The following MKKS variants were observed in gnomAD, a reference collection of about 807,000 sequenced individuals.
The protein encoded by MKKS is molecular chaperone MKKS.
In MKKS, 29 loss-of-function variants were observed where a neutral mutation model predicts 33.2. That is an observed-to-expected ratio of 0.87 (90% CI 0.65 to 1.19). The LOEUF (loss-of-function observed/expected upper bound fraction) is 1.19, where lower values mean the gene tolerates loss of function less well. MKKS is among the 50% of genes most tolerant of loss of function. MKKS has a pLI of 0.00. For missense variants in MKKS, 661 were observed against 662.3 expected (o/e 1.00, Z 0.02); for synonymous variants, 260 against 244.0 (o/e 1.07, Z -0.61).
intron 3 of MKKS, 108 bp downstream of exon 3, chr20:10,412,422 C>T (rs2064895714): frequency 2.8e-6 from 3 of 1,085,484 alleles, no homozygotes; most frequent in Non-Finnish European, 4.2e-6. Context: ...CTGACACATG[C>T]TGGGTCAATT....
chr20:10,409,280 C>T (rs189190449), intron 3 of MKKS, among the ~76,000 whole-genome samples: 43 of 152,172 alleles, frequency 2.8e-4, no homozygotes, highest in East Asian at 9.7e-4. Context: ...TCCTTCGGGA[C>T]GCTACATAGT....
intron 1 of MKKS, among the ~76,000 whole-genome samples, chr20:10,423,527 A>C (rs532646731): frequency 3.9e-5 from 6 of 152,332 alleles, no homozygotes; most frequent in African/African-American, 1.4e-4. Flanking sequence ...ATTAAATGAC[A>C]ATCTGTAACA....
At chr20:10,431,302 A>G (rs1223833592) in intron 1 of MKKS, among the ~76,000 whole-genome samples, 1 of 152,166 alleles carries the variant, frequency 6.6e-6, no homozygotes, top group Non-Finnish European at 1.5e-5. Flanking sequence ...CATGTATCCC[A>G]CATTCACAAT....
chr20:10,410,482 C>T (rs569891940), intron 3 of MKKS, among the ~76,000 whole-genome samples: 1 of 152,162 alleles, frequency 6.6e-6, no homozygotes, highest in East Asian at 1.9e-4. Flanking sequence ...ATACAAAAAA[C>T]TAGCCAGGCG....
chr20:10,434,049 C>G (rs753347256), intron 1 of MKKS, 59 bp downstream of exon 1: 2 of 152,456 alleles, frequency 1.3e-5, no homozygotes, highest in African/African-American at 4.8e-5. Context: ...CAAGCCCCTT[C>G]CCCTCTCTTC....
chr20:10,416,976 A>G (rs543740332), intron 2 of MKKS, among the ~76,000 whole-genome samples: 2 of 152,124 alleles, frequency 1.3e-5, no homozygotes, highest in South Asian at 4.1e-4. Flanking sequence ...CTGATCTTTT[A>G]TAGAAAAAAA....
chr20:10,415,664 A>G (rs1264908693), intron 2 of MKKS, among the ~76,000 whole-genome samples: 2 of 152,252 alleles, frequency 1.3e-5, no homozygotes, highest in African/African-American at 4.8e-5. Context: ...AGTGACTTCT[A>G]TATGTTAATT....
At chr20:10,407,837 A>G (rs2064853823) in intron 4 of MKKS, 111 bp from the exon 5 acceptor site, 1 of 850,482 alleles carries the variant, frequency 1.2e-6, no homozygotes, top group African/African-American at 1.7e-5. Flanking sequence ...TTTAATTACA[A>G]AAGAACAAAA....
rs1380000195 is a variant in MKKS at position 10,413,503 on chromosome 20, C to A, written c.12G>T (p.Leu4Phe). The A allele has an allele frequency of 6.2e-7, 1 of 1,614,170 alleles. No individual in the cohort carries two copies. Among genetic ancestry groups the A allele is most frequent in the Non-Finnish European group, 8.5e-7 (1 of 1,180,026 alleles). MSR[L>F]EAKKPSLCKS... Reference sequence around the variant, plus strand: ...TACACAATGATGGCTTCTTAGCTTCCAAACGAGACATCTTACTTCAGGTGG... The same window carrying A: ...TACACAATGATGGCTTCTTAGCTTCAAAACGAGACATCTTACTTCAGGTGG... Residue 4 changes from leucine to phenylalanine, a missense_variant, in exon 3 of 6, where the codon TTG becomes TTT. Leu to Phe is a conservative substitution (Grantham distance 22). Transcript: ENST00000347364.
At chr20:10,417,325 C>T (rs939851690) in intron 2 of MKKS, among the ~76,000 whole-genome samples, 2 of 151,842 alleles carry the variant, frequency 1.3e-5, no homozygotes, top group Non-Finnish European at 2.9e-5. Flanking sequence ...ATCTTAGCAA[C>T]ACTGGCTAGA....
intron 1 of MKKS, among the ~76,000 whole-genome samples, chr20:10,433,434 C>T (rs375870709): frequency 6.6e-6 from 1 of 152,174 alleles, no homozygotes; most frequent in African/African-American, 2.4e-5. Context: ...TGGTCACTGC[C>T]GTATCTACTA....
intron 2 of MKKS, among the ~76,000 whole-genome samples, chr20:10,417,188 T>C (rs968240217): frequency 2.7e-5 from 4 of 147,920 alleles, no homozygotes; most frequent in African/African-American, 1.0e-4. Context: ...AAGGCAGAGG[T>C]TGCAGTGAGC....
intron 1 of MKKS, among the ~76,000 whole-genome samples, chr20:10,432,155 G>T (rs1039796963): frequency 6.6e-6 from 1 of 152,224 alleles, no homozygotes. Context: ...GATCAATCAA[G>T]GGGTATAAAA....
intron 3 of MKKS, among the ~76,000 whole-genome samples, chr20:10,412,045 T>C (rs1025864140): frequency 5.9e-5 from 9 of 152,156 alleles, no homozygotes; most frequent in Non-Finnish European, 7.4e-5. Flanking sequence ...AGTTTTGATA[T>C]AGGTAAAACA....
At chr20:10,422,924 G>A (rs1476646629) in intron 1 of MKKS, among the ~76,000 whole-genome samples, 1 of 151,984 alleles carries the variant, frequency 6.6e-6, no homozygotes, top group East Asian at 1.9e-4. Flanking sequence ...TGTTAGCCAG[G>A]ATGGTCTCGA....
At chr20:10,427,028 T>TCACACA (rs1568673250) in intron 1 of MKKS, among the ~76,000 whole-genome samples, 1 of 61,436 alleles carries the variant, frequency 1.6e-5, no homozygotes, top group Non-Finnish European at 3.2e-5. Context: ...AAGAAAACAC[T>TCACACA]GACACACACA....
chr20:10,417,245 TAAA>T (rs60367709), intron 2 of MKKS, among the ~76,000 whole-genome samples: 167 of 132,388 alleles, frequency 1.3e-3, no homozygotes, highest in African/African-American at 2.3e-3. Context: ...GACTCCATCT[TAAA>T]AAAAAAAAAA....
At chr20:10,407,871 T>A (rs1001329854) in intron 4 of MKKS, 145 bp from the exon 5 acceptor site, 1 of 706,780 alleles carries the variant, frequency 1.4e-6, no homozygotes, top group Non-Finnish European at 2.5e-6. Context: ...AAGGTTGTCA[T>A]GTGATTAATA....
chr20:10,428,440 C>T (rs1267846250), intron 1 of MKKS, among the ~76,000 whole-genome samples: 1 of 152,160 alleles, frequency 6.6e-6, no homozygotes, highest in Non-Finnish European at 1.5e-5. Context: ...TTGTATGCTC[C>T]ACCTTCATTT....
Sources: gnomAD v4.1 joint callset for allele counts (sites outside exome capture counted in the v4.1 genomes callset) on GRCh38, gnomAD v4.1.1 for gene constraint, MANE v1.5 for transcripts, NCBI Gene and HGNC (gene_info 2026-07-23, HGNC 2026-07-21) for gene names.